NSFL1C: variants seen among roughly 807,000 people sequenced by gnomAD.
NSFL1C encodes the protein NSFL1 cofactor p47.
Under a neutral mutation model 43.1 loss-of-function variants are expected in NSFL1C, and 14 were observed. The ratio of observed to expected loss-of-function variants is 0.32; its 90% CI spans 0.21 to 0.51. NSFL1C has a LOEUF of 0.51. Among genes scored for constraint, NSFL1C ranks in the 20% least tolerant of loss-of-function variants. NSFL1C has a pLI of 0.98. For missense variants in NSFL1C, 406 were observed against 472.5 expected, an observed-to-expected ratio of 0.86 and a Z score of 1.30; for synonymous variants, 171 against 183.5, an observed-to-expected ratio of 0.93 and a Z score of 0.55.
Position 1,458,113 on chromosome 20 carries a change from T to C in NSFL1C, c.278+87A>G, listed in dbSNP as rs114699056. The C allele has an allele frequency of 4.6e-5, 49 of 1,065,522 alleles. No homozygotes were observed. The African/African-American group carries it at 7.3e-4, about 16-fold the overall frequency. 66.0% of individuals were successfully genotyped at this position (1,065,522 alleles called of 1,614,324 possible). A position where few individuals can be genotyped will look rare whatever the true frequency, so the allele number is the denominator to read the frequency against. Reference sequence around the variant, plus strand: ...AGTAATGGCTAACAATAACCAAACATGTTTACCAGGTCCTGTTCTAGGTGA... The same window carrying C: ...AGTAATGGCTAACAATAACCAAACACGTTTACCAGGTCCTGTTCTAGGTGA... On this transcript the variant is annotated intron_variant, in intron 3 of 8. Transcript: ENST00000216879.
At chr20:1,454,390 TAA>T in intron 4 of NSFL1C, 85 bp from the exon 5 acceptor site, 1 of 951,196 alleles carries the variant, frequency 1.1e-6, no homozygotes, top group Non-Finnish European at 1.7e-6. Context: ...ATATCTTAGG[TAA>T]GAGGAAGAAA....
intron 2 of NSFL1C, 59 bp from the exon 3 acceptor site, chr20:1,458,333 T>C: frequency 7.0e-7 from 1 of 1,420,364 alleles, no homozygotes; most frequent in Non-Finnish European, 1.0e-6. Flanking sequence ...GTAACCCTCA[T>C]CACCAGCTGC....
rs1213865674 is a variant in NSFL1C, at chr20:1,443,766, C to T, written c.1096G>A (p.Val366Met). The T allele has an allele frequency of 3.2e-5, 52 of 1,613,962 alleles. No individual in the cohort carries two copies. Among genetic ancestry groups the T allele is most frequent in the African/African-American group, 4.0e-5 (3 of 74,908 alleles). ...CTGGGCGGTTATGTTAACCGCTGCA[C>T]GATGACAGCATTGAGCAGGTTGGCT... Reference protein sequence around the residue: ...KEANLLNAVIVQRLT With the variant: ...KEANLLNAVIMQRLT The change falls in exon 9 of 9, where the codon GTG becomes ATG. Residue 366 changes from valine (V) to methionine (M), a missense_variant. Transcript: ENST00000216879.
At chr20:1,447,904 T>A (rs1179362437) in intron 7 of NSFL1C, among the ~76,000 whole-genome samples, 2 of 152,146 alleles carry the variant, frequency 1.3e-5, no homozygotes, top group Non-Finnish European at 2.9e-5. Context: ...ATTTTATAGA[T>A]GAGAAAACAC....
chr20:1,447,721 A>G (rs1428471674), intron 7 of NSFL1C, among the ~76,000 whole-genome samples: 8 of 151,870 alleles, frequency 5.3e-5, no homozygotes, highest in Admixed American at 5.2e-4. Context: ...GGCAGGCCTA[A>G]GATGAGAAAG....
At position 1,445,688 on chromosome 20, in the gene NSFL1C, G is replaced by C; in HGVS notation, c.928C>G (p.Gln310Glu). 1 of 1,612,844 alleles carries C rather than the reference G, an allele frequency of 6.2e-7. No individual in the cohort carries two copies. The highest frequency in any genetic ancestry group is 8.5e-7 in the Non-Finnish European group (1 of 1,179,922). Residue 310 changes from glutamine to glutamate, a missense_variant, in exon 8 of 9, where the codon CAG becomes GAG. Gln to Glu is a conservative substitution (Grantham distance 29, BLOSUM62 2). Around this residue, in one of 3 missense-constraint regions of NSFL1C, gnomAD observed 196 missense variants for 228.0 expected, o/e 0.86. Transcript: ENST00000216879. ...TACCTGTGGCTGTGGTTAAATTTCT[G>C]CACCAGCCTCCCGCCGTCTGCAAGC... is the stretch of plus-strand genomic sequence containing the variant. ...IRLADGGRLV[Q>E]KFNHSHRISD...
chr20:1,466,704 C>G lies in NSFL1C; in HGVS notation c.105+16G>C. ...AGTCCCCGGCCCACCCGACACAGCC[C>G]GCCGCGCGGCGCTACCTGCAAGTCC... is the stretch of plus-strand genomic sequence containing the variant. On this transcript the variant is annotated intron_variant, in intron 1 of 8. Transcript: ENST00000216879. 1.3e-6 allele frequency: 2 copies of G among 1,538,138 alleles called. No individual in the cohort carries two copies. The highest frequency in any genetic ancestry group is 1.7e-6 in the Non-Finnish European group (2 of 1,146,010).
chr20:1,454,073 C>G, intron 5 of NSFL1C, 140 bp downstream of exon 5: 1 of 665,470 alleles, frequency 1.5e-6, no homozygotes, highest in Non-Finnish European at 2.6e-6. Flanking sequence ...CGTCTTTGTT[C>G]GTGAACCACA....
At position 1,458,242 on chromosome 20, in the gene NSFL1C, A is replaced by C. The variant is rs1161507074; in HGVS notation, c.236T>G (p.Ile79Ser). 1 of 1,613,824 alleles carries C rather than the reference A, an allele frequency of 6.2e-7. No individual in the cohort carries two copies. Among genetic ancestry groups the C allele is most frequent in the South Asian group, 1.1e-5 (1 of 91,080 alleles). The part of the protein sequence containing the change: ...DNRVTSFRDL[I>S]HDQDEDEEEE... ...CTCCTCATCTTCATCTTGGTCATGA[A>C]TGAGGTCTCTGAAGGATGTCACTCT... Residue 79 changes from isoleucine to serine, a missense_variant, in exon 3 of 9, where the codon ATT becomes AGT. Transcript: ENST00000216879.
chr20:1,448,658 A>G (rs1265399287), intron 7 of NSFL1C, among the ~76,000 whole-genome samples: 1 of 152,216 alleles, frequency 6.6e-6, no homozygotes, highest in Non-Finnish European at 1.5e-5. Flanking sequence ...CCCATTCCTA[A>G]GCCAGGCCCT....
chr20:1,465,337 A>G (rs1038206157), intron 1 of NSFL1C, among the ~76,000 whole-genome samples: 1 of 152,232 alleles, frequency 6.6e-6, no homozygotes, highest in Admixed American at 6.5e-5. Flanking sequence ...CAGGCCATGT[A>G]GTGAACTGGC....
intron 3 of NSFL1C, chr20:1,456,886 A>C (rs962694600): frequency 6.6e-6 from 1 of 152,258 alleles, no homozygotes; most frequent in African/African-American, 2.4e-5. Flanking sequence ...ATGGATTATT[A>C]TTATAGCATA....
chr20:1,453,105 G>A lies in NSFL1C; in HGVS notation c.573C>T (p.Phe191=). 1 of 1,612,106 alleles carries A rather than the reference G, an allele frequency of 6.2e-7. No homozygotes were observed. The highest frequency in any genetic ancestry group is 1.7e-5 in the Admixed American group (1 of 60,008). ...TTCTGAGTTCTCCATTATCCAGGCT[G>A]AATCCACTCTTCCAGAGTTTCAATA... The part of the protein sequence containing the change: ...HVVLKLWKSG[F]SLDNGELRSY... The change falls in exon 6 of 9, where the codon TTC becomes TTT. Residue 191 remains phenylalanine (F), a synonymous_variant. Coordinates refer to ENST00000216879, the MANE Select transcript of NSFL1C (RefSeq NM_016143.5).
At chr20:1,460,209 A>G (rs960394931) in intron 2 of NSFL1C, among the ~76,000 whole-genome samples, 2 of 152,192 alleles carry the variant, frequency 1.3e-5, no homozygotes, top group Non-Finnish European at 2.9e-5. Context: ...AGTCTTTTGC[A>G]TGGTGTGGCA....
chr20:1,460,481 A>G (rs1285635927), intron 2 of NSFL1C, among the ~76,000 whole-genome samples: 5 of 152,194 alleles, frequency 3.3e-5, no homozygotes, highest in African/African-American at 1.2e-4. Flanking sequence ...GATATTAGCA[A>G]TTGCACAATA....
At chr20:1,459,695 T>C (rs1351283503) in intron 2 of NSFL1C, among the ~76,000 whole-genome samples, 2 of 151,874 alleles carry the variant, frequency 1.3e-5, no homozygotes, top group African/African-American at 2.4e-5. Context: ...CCTGCATGAG[T>C]TGGCTCCTGA....
Position 1,445,749 on chromosome 20 carries a change from G to A in NSFL1C, c.867C>T (p.Ile289=), listed in dbSNP as rs999020621. ...NEAKASSSIL[I]DESEPTTNIQ... is the part of the protein sequence containing the mutation. The stretch of plus-strand genomic sequence containing the variant: ...TGTTTGTGGTAGGCTCTGATTCGTC[G>A]ATTAAGATGGAAGAGCTGGCTTTGG... The change falls in exon 8 of 9, where the codon ATC becomes ATT. Residue 289 remains isoleucine (I), a synonymous_variant. Transcript: ENST00000216879. 7 of 1,613,898 alleles carry A rather than the reference G, an allele frequency of 4.3e-6. No homozygotes were observed. The highest frequency in any genetic ancestry group is 5.9e-6 in the Non-Finnish European group (7 of 1,179,988).
rs747944445 is a variant in NSFL1C, at chr20:1,454,317, A to G, written c.445-12T>C. 12 of 1,593,984 alleles carry G rather than the reference A, an allele frequency of 7.5e-6. No individual in the cohort carries two copies. Among genetic ancestry groups the G allele is most frequent in the Non-Finnish European group, 9.5e-6 (11 of 1,163,454 alleles). On this transcript the variant is annotated splice_polypyrimidine_tract_variant and intron_variant, in intron 4 of 8. Transcript: ENST00000216879. ...CCTCCTGCAAATGGCTATAAGGGAC[A>G]AGTTCATACACATTTAAGGGGTTGG...
In NSFL1C at chr20:1,454,989, G is replaced by A. The variant is rs745357966; in HGVS notation, c.422C>T (p.Pro141Leu). ...AVAVERVTKS[P>L]GETSKPRPFA... ...CACTCTCGGTTTACTGGTCTCTCCA[G>A]GGCTCTTGGTCACTCGCTCCACAGC... The change falls in exon 4 of 9, where the codon CCT becomes CTT. Residue 141 changes from proline (P) to leucine (L), a missense_variant. By Grantham distance (98) the Pro-to-Leu change is moderately conservative. Coordinates refer to ENST00000216879, the MANE Select transcript of NSFL1C (RefSeq NM_016143.5). 4 of 1,613,860 alleles carry A rather than the reference G, an allele frequency of 2.5e-6. No individual in the cohort carries two copies. The highest frequency in any genetic ancestry group is 1.7e-5 in the Admixed American group (1 of 60,024).
Sources: gnomAD v4.1 joint callset for allele counts (sites outside exome capture counted in the v4.1 genomes callset) on GRCh38, gnomAD v4.1.1 for gene constraint, gnomAD v4.1.1 regional missense constraint, MANE v1.5 for transcripts, NCBI Gene and HGNC (gene_info 2026-07-23, HGNC 2026-07-21) for gene names.